Variants in PCNT observed in about 807,000 individuals in gnomAD.
The protein encoded by PCNT is kendrin.
In PCNT, 319 loss-of-function variants were observed where a neutral mutation model predicts 380.4. The observed-to-expected ratio is 0.84, with a 90% CI of 0.77 to 0.92. PCNT has a LOEUF of 0.92. PCNT is among the 40% of genes least tolerant of loss of function. PCNT has a pLI of 0.00. For synonymous variants in PCNT, 1,845 were observed against 1,735.2 expected (o/e 1.06, Z -1.57); for missense variants, 4,400 against 4,255.3 (o/e 1.03, Z -0.95).
intron 9 of PCNT, among the ~76,000 whole-genome samples, chr21:46,351,917 G>A (rs1321736232): frequency 1.3e-5 from 2 of 152,230 alleles, no homozygotes; most frequent in Non-Finnish European, 2.9e-5. Flanking sequence ...ACAGGGCAGT[G>A]CCCCACATCC....
Position 46,425,380 on chromosome 21 carries a change from C to T in PCNT, c.7180-451C>T, listed in dbSNP as rs2087451909. 6.6e-6 allele frequency among the ~76,000 whole-genome samples: 1 copy of T among 152,262 alleles called. No individual in the cohort carries two copies. Among genetic ancestry groups the T allele is most frequent in the African/African-American group, 2.4e-5 (1 of 41,466 alleles). On this transcript the variant is annotated intron_variant, in intron 32 of 46. Transcript: ENST00000359568. This position sits in a 1 kb window ranked among gnomAD's most constrained non-coding sequence, Gnocchi z 4.2. ...TGGTCGGCACTGGCCTCAGCCGGACCACGCACAGAGGCCTCCTGGGTGGCC... is the reference window on the plus strand; with the variant it reads ...TGGTCGGCACTGGCCTCAGCCGGACTACGCACAGAGGCCTCCTGGGTGGCC...
intron 15 of PCNT, among the ~76,000 whole-genome samples, chr21:46,376,374 G>T (rs1406182554): frequency 1.4e-4 from 21 of 152,234 alleles, no homozygotes; most frequent in Admixed American, 1.4e-3. Context: ...TTTCAGCCTT[G>T]GACTCTTGCC....
At chr21:46,360,379 ACGCCTGG>A (rs1279002990) in intron 13 of PCNT, among the ~76,000 whole-genome samples, 3 of 88,774 alleles carry the variant, frequency 3.4e-5, no homozygotes, top group Non-Finnish European at 6.7e-5. Flanking sequence ...GCCCGCCACC[ACGCCTGG>A]CTAGTTTTTT....
At chr21:46,440,303 C>T (rs2053572844) in intron 42 of PCNT, 101 bp downstream of exon 42, 7 of 1,272,048 alleles carry the variant, frequency 5.5e-6, no homozygotes, top group Non-Finnish European at 7.9e-6. Context: ...TTCTCGTCTG[C>T]CGGGTGTAGC....
chr21:46,344,424 C>T (rs1366084844), intron 3 of PCNT, among the ~76,000 whole-genome samples: 3 of 152,226 alleles, frequency 2.0e-5, no homozygotes, highest in African/African-American at 7.2e-5. Flanking sequence ...TGGCCGCCCA[C>T]CCTGGGGACG....
intron 31 of PCNT, among the ~76,000 whole-genome samples, chr21:46,420,108 G>A (rs1469420520): frequency 1.3e-5 from 2 of 152,082 alleles, no homozygotes; most frequent in African/African-American, 2.4e-5. Context: ...CCTTTGAGGG[G>A]CCTGCGCGGT....
intron 13 of PCNT, among the ~76,000 whole-genome samples, chr21:46,361,416 A>G (rs1417447177): frequency 2.0e-5 from 3 of 152,176 alleles, no homozygotes; most frequent in African/African-American, 7.2e-5. Flanking sequence ...AAAAGAATAC[A>G]CATTCTTAAC....
chr21:46,390,174 G>A (rs373822716), intron 19 of PCNT, among the ~76,000 whole-genome samples: 47 of 152,214 alleles, frequency 3.1e-4, no homozygotes, highest in Non-Finnish European at 5.6e-4. Flanking sequence ...TTAGCCAGGC[G>A]TGGTGGCATG....
intron 21 of PCNT, among the ~76,000 whole-genome samples, chr21:46,396,116 T>C (rs2086201493): frequency 6.6e-6 from 1 of 152,244 alleles, no homozygotes; most frequent in South Asian, 2.1e-4. Context: ...AAATGGAGGC[T>C]TCAGGACTTA....
Position 46,440,087 on chromosome 21 carries a change from C to A in PCNT, c.9278C>A (p.Ser3093Ter), listed in dbSNP as rs374857206. The change falls in exon 42 of 47, where the codon TCG (serine) becomes TAG (stop). Residue 3093 changes from serine (S) to a stop codon, truncating the protein, a stop_gained. Coordinates refer to ENST00000359568, the MANE Select transcript of PCNT (RefSeq NM_006031.6). LOFTEE classifies it high-confidence loss of function. ...GCTGGCTGTGCTTCCTTACAGAGGT[C>A]GGAAAGGTCTGCTTGGAAGCCAGAC... Reference protein sequence around the residue: ...HLQKGCSPSRSERSAWKPDET... With the variant: ...HLQKGCSPSR 2 of 1,613,888 alleles carry A rather than the reference C, an allele frequency of 1.2e-6. No homozygotes were observed. The highest frequency in any genetic ancestry group is 2.7e-5 in the African/African-American group (2 of 74,906).
At chr21:46,345,763 G>T (rs2084045954) in intron 3 of PCNT, among the ~76,000 whole-genome samples, 1 of 152,230 alleles carries the variant, frequency 6.6e-6, no homozygotes, top group Admixed American at 6.5e-5. Context: ...GCTCCTCGCA[G>T]CCTCCAGGCT....
rs78995522 is a variant in PCNT at position 46,425,748 on chromosome 21, G to A, written c.7180-83G>A. 79,001 of 1,595,756 alleles carry A rather than the reference G, an allele frequency of 0.05. 2,280 individuals are homozygous for A. Among genetic ancestry groups the A allele is most frequent in the Non-Finnish European group, 0.057 (67,060 of 1,170,096 alleles). ...TGCCCGCCCTTCACAGAGTCCTGGC[G>A]GCAGCTCGGGGCCGCAGGTGGTGTA... On this transcript the variant is annotated intron_variant, in intron 32 of 46. Transcript: ENST00000359568. This position sits in a 1 kb window ranked among gnomAD's most constrained non-coding sequence, Gnocchi z 4.2.
intron 30 of PCNT, 78 bp from the exon 31 acceptor site, chr21:46,418,126 G>T: frequency 1.1e-6 from 1 of 883,988 alleles, no homozygotes. Context: ...TCAGGCCTTT[G>T]AAAGTTTTCA....
chr21:46,363,475 T>G lies in PCNT; in HGVS notation c.2155-5T>G. The G allele has an allele frequency of 6.2e-7, 1 of 1,606,076 alleles. No individual in the cohort carries two copies. The highest frequency in any genetic ancestry group is 8.5e-7 in the Non-Finnish European group (1 of 1,173,058). The stretch of plus-strand genomic sequence containing the variant: ...TCCTCCTAAATGAAATTATGTTGTC[T>G]GTAGGTAAAACACAATCTAATTGAA... On this transcript the variant is annotated splice_polypyrimidine_tract_variant and splice_region_variant and intron_variant, in intron 13 of 46. Transcript: ENST00000359568.
rs2084058177 is a variant in PCNT at position 46,346,144 on chromosome 21, G to A, written c.656G>A (p.Cys219Tyr). The change falls in exon 4 of 47, where the codon TGT (cysteine) becomes TAT (tyrosine). Residue 219 changes from cysteine to tyrosine, a missense_variant. Coordinates refer to ENST00000359568, the MANE Select transcript of PCNT (RefSeq NM_006031.6). The stretch of plus-strand genomic sequence containing the variant: ...TTTCCCCAGGAGTGTGAACAAGAAT[G>A]TGAACTTGCCATTACTGACCTGGAG... ...GMFTKECEQE[C>Y]ELAITDLESG... 2 of 1,614,090 alleles carry A rather than the reference G, an allele frequency of 1.2e-6. No homozygotes were observed. The highest frequency in any genetic ancestry group is 2.7e-5 in the African/African-American group (2 of 74,944).
Position 46,334,712 on chromosome 21 carries a change from C to T in PCNT, c.583C>T (p.Arg195Cys), listed in dbSNP as rs199564971. 40 of 1,613,784 alleles carry T rather than the reference C, an allele frequency of 2.5e-5. No individual in the cohort carries two copies. In the South Asian group the frequency reaches 3.8e-4, roughly 16 times the overall value. Reference protein sequence around the residue: ...FTVSDHTPEQRGIFTISDHPA... With the variant: ...FTVSDHTPEQCGIFTISDHPA... ...AGTCAGTGACCACACACCAGAACAG[C>T]GTGGGATCTTCACAATCAGTGACCA... The change falls in exon 3 of 47, where the codon CGT (arginine) becomes TGT (cysteine). Residue 195 changes from arginine (R) to cysteine (C), a missense_variant. Transcript: ENST00000359568.
At chr21:46,324,391 G>T in intron 1 of PCNT, 109 bp downstream of exon 1, 1 of 954,528 alleles carries the variant, frequency 1.0e-6, no homozygotes, top group Non-Finnish European at 1.6e-6. Flanking sequence ...GGCGGAAGCC[G>T]CCGCGGAGGT....
chr21:46,397,344 G>C lies in PCNT; in HGVS notation c.4296G>C (p.Leu1432=), dbSNP rs1380015535. The C allele has an allele frequency of 6.2e-7, 1 of 1,614,012 alleles. No individual in the cohort carries two copies. Residue 1432 remains leucine (L), a synonymous_variant, in exon 22 of 47, where the codon CTG becomes CTC. Coordinates refer to ENST00000359568, the MANE Select transcript of PCNT (RefSeq NM_006031.6). The part of the protein sequence containing the change: ...RKQAEKDRSA[L]LSQMKILESE... Reference sequence around the variant, plus strand: ...AGGCTGAGAAGGACCGCTCAGCCCTGCTCTCCCAGATGAAGATTTTGGAGT... The same window carrying C: ...AGGCTGAGAAGGACCGCTCAGCCCTCCTCTCCCAGATGAAGATTTTGGAGT...
chr21:46,324,451 A>G (rs2083287883), intron 1 of PCNT, among the ~76,000 whole-genome samples, 169 bp downstream of exon 1: 1 of 151,470 alleles, frequency 6.6e-6, no homozygotes, highest in East Asian at 2.0e-4. Context: ...GGCCGCCGCC[A>G]TCTTGAATCC....
Sources: gnomAD v4.1 joint callset for allele counts (sites outside exome capture counted in the v4.1 genomes callset) on GRCh38, gnomAD v4.1.1 for gene constraint, Gnocchi (gnomAD v3.1) non-coding constraint, MANE v1.5 for transcripts, NCBI Gene and HGNC (gene_info 2026-07-23, HGNC 2026-07-21) for gene names.